VEZT: variants seen among roughly 807,000 people sequenced by gnomAD.
VEZT encodes the protein vezatin, adherens junctions transmembrane protein.
VEZT carries 39 observed loss-of-function variants against 79.9 expected under a neutral mutation model. That is an observed-to-expected ratio of 0.49 (90% CI 0.38 to 0.64). The LOEUF is 0.64. Among genes scored for constraint, VEZT ranks in the 30% least tolerant of loss-of-function variants. The pLI, the probability that VEZT is intolerant of heterozygous loss-of-function variation, is 0.00. For synonymous variants in VEZT, 325 were observed against 327.6 expected, an observed-to-expected ratio of 0.99 and a Z score of 0.09; for missense variants, 837 against 893.1, an observed-to-expected ratio of 0.94 and a Z score of 0.80.
chr12:95,279,751 C>G (rs1036477485), intron 7 of VEZT, among the ~76,000 whole-genome samples: 1 of 152,148 alleles, frequency 6.6e-6, no homozygotes, highest in East Asian at 1.9e-4. Context: ...GCCACCATGC[C>G]TGACTAATTT....
intron 5 of VEZT, among the ~76,000 whole-genome samples, chr12:95,269,269 G>A (rs2066148712): frequency 6.6e-6 from 1 of 152,154 alleles, no homozygotes; most frequent in Admixed American, 6.6e-5. Flanking sequence ...GTATGTCATT[G>A]TTACAAATTA....
intron 1 of VEZT, among the ~76,000 whole-genome samples, chr12:95,239,982 GGA>G (rs1555246325): frequency 1.5e-5 from 2 of 131,668 alleles, no homozygotes; most frequent in African/African-American, 2.8e-5. Flanking sequence ...GAGAGAGAGA[GGA>G]GAGAGAGAGA....
chr12:95,218,088 C>G (rs2056958875), intron 1 of VEZT: 2 of 417,544 alleles, frequency 4.8e-6, no homozygotes, highest in Non-Finnish European at 8.4e-6. Context: ...CGTGGCCGGC[C>G]TCTATCTCGG....
At chr12:95,268,222 A>G (rs1024632924) in intron 5 of VEZT, among the ~76,000 whole-genome samples, 25 of 151,948 alleles carry the variant, frequency 1.6e-4, no homozygotes, top group African/African-American at 5.8e-4. Context: ...CCGGCCGGGC[A>G]CGGTGGCCCA....
At chr12:95,261,225 C>T (rs2064419911) in intron 3 of VEZT, among the ~76,000 whole-genome samples, 1 of 152,002 alleles carries the variant, frequency 6.6e-6, no homozygotes, top group Admixed American at 6.6e-5. Context: ...TTATGATCAG[C>T]GAGGCCTGGA....
chr12:95,270,052 G>T lies in VEZT; in HGVS notation c.712G>T (p.Val238Phe). 6.2e-7 allele frequency: 1 copy of T among 1,610,178 alleles called. No homozygotes were observed. The highest frequency in any genetic ancestry group is 8.5e-7 in the Non-Finnish European group (1 of 1,178,200). Residue 238 changes from valine (V) to phenylalanine (F), a missense_variant and splice_region_variant, in exon 6 of 12, where the codon GTC becomes TTC. By Grantham distance (50) the Val-to-Phe change is conservative. Transcript: ENST00000436874. ...TTACTTTTCAAGTTTGCTTGACAGGGTCAGTGCTGCTTGCCCATTTAATAA... is the reference window on the plus strand; with the variant it reads ...TTACTTTTCAAGTTTGCTTGACAGGTTCAGTGCTGCTTGCCCATTTAATAA... ...TEVISRGFTL[V>F]SAACPFNKAG...
chr12:95,270,911 C>T (rs1206722356), intron 6 of VEZT, among the ~76,000 whole-genome samples: 1 of 152,072 alleles, frequency 6.6e-6, no homozygotes, highest in African/African-American at 2.4e-5. Context: ...AAGTTAAATC[C>T]TGACTAAGTA....
At chr12:95,300,035 G>T (rs1284994130) in intron 11 of VEZT, 130 bp from the exon 12 acceptor site, 10 of 513,942 alleles carry the variant, frequency 1.9e-5, no homozygotes, top group Non-Finnish European at 2.8e-5. Context: ...GATTTTACTA[G>T]AAAGTTTTAT....
intron 11 of VEZT, among the ~76,000 whole-genome samples, chr12:95,297,382 A>C (rs913318206): frequency 2.0e-5 from 3 of 151,774 alleles, no homozygotes; most frequent in African/African-American, 7.2e-5. Flanking sequence ...TACTTCTGGA[A>C]AGTTCCTCCA....
chr12:95,288,809 A>T (rs1167089218), intron 9 of VEZT, among the ~76,000 whole-genome samples: 1 of 152,116 alleles, frequency 6.6e-6, no homozygotes, highest in Non-Finnish European at 1.5e-5. Flanking sequence ...CTACCAAGAA[A>T]CTCTGATATA....
chr12:95,254,006 G>A (rs1343257002), intron 2 of VEZT, among the ~76,000 whole-genome samples: 1 of 151,802 alleles, frequency 6.6e-6, no homozygotes, highest in African/African-American at 2.4e-5. Flanking sequence ...TTTGAGATAG[G>A]GTCTTCCCCT....
At chr12:95,282,003 T>A in intron 7 of VEZT, among the ~76,000 whole-genome samples, 1 of 151,996 alleles carries the variant, frequency 6.6e-6, no homozygotes, top group East Asian at 1.9e-4. Flanking sequence ...ATGTGAAAAT[T>A]TTTTTTAAAT....
At chr12:95,234,384 G>C (rs563299372) in intron 1 of VEZT, among the ~76,000 whole-genome samples, 22 of 151,392 alleles carry the variant, frequency 1.5e-4, no homozygotes, top group South Asian at 4.2e-4. Context: ...CCGCCGGCCG[G>C]GTTCAAGCGA....
At chr12:95,223,468 G>A (rs1332842112) in intron 1 of VEZT, among the ~76,000 whole-genome samples, 2 of 152,090 alleles carry the variant, frequency 1.3e-5, no homozygotes, top group East Asian at 1.9e-4. Flanking sequence ...TTGAGACAGA[G>A]TTCCACTCTG....
chr12:95,254,528 G>A (rs911361845), intron 2 of VEZT, among the ~76,000 whole-genome samples: 1 of 151,754 alleles, frequency 6.6e-6, no homozygotes, highest in African/African-American at 2.4e-5. Flanking sequence ...TGTATTTTTA[G>A]TAGAGATGGG....
intron 1 of VEZT, among the ~76,000 whole-genome samples, chr12:95,223,573 C>A (rs543677984): frequency 1.1e-3 from 171 of 152,254 alleles, no homozygotes; most frequent in African/African-American, 4.0e-3. Context: ...GCCTCAGCCT[C>A]CCGAGTAGCT....
intron 11 of VEZT, 28 bp from the exon 12 acceptor site, chr12:95,300,137 T>C: frequency 7.5e-7 from 1 of 1,330,320 alleles, no homozygotes. Flanking sequence ...AGTTATTTTT[T>C]TTCTTTTTTC....
At chr12:95,264,869 C>CT (rs71078693) in intron 4 of VEZT, among the ~76,000 whole-genome samples, 11,568 of 112,832 alleles carry the variant, frequency 0.1, 1,027 homozygotes, top group East Asian at 0.21. Flanking sequence ...CTTTTCTTTT[C>CT]TTTTTTTTTT....
chr12:95,249,042 A>T (rs2062117307), intron 1 of VEZT, among the ~76,000 whole-genome samples: 1 of 152,168 alleles, frequency 6.6e-6, no homozygotes. Context: ...AGTGTCTATA[A>T]ATAAAGTTTT....
Sources: allele counts gnomAD v4.1 joint callset (sites outside exome capture counted in the v4.1 genomes callset), GRCh38; gene constraint gnomAD v4.1.1; transcripts MANE v1.5; gene names NCBI Gene and HGNC (gene_info 2026-07-23, HGNC 2026-07-21).